Variants in PDGFC observed in about 807,000 individuals in gnomAD.
PDGFC encodes the protein platelet-derived growth factor C.
PDGFC carries 12 observed loss-of-function variants against 35.5 expected under a neutral mutation model. That is an observed-to-expected ratio of 0.34 (90% CI 0.22 to 0.55). PDGFC has a LOEUF of 0.55. PDGFC is among the 20% of genes least tolerant of loss of function. The pLI, the probability that PDGFC is intolerant of heterozygous loss-of-function variation, is 0.91. For missense variants in PDGFC, 322 were observed against 412.4 expected (o/e 0.78, Z 1.90); for synonymous variants, 159 against 148.8 (o/e 1.07, Z -0.50).
At chr4:156,813,658 G>C (rs1732001924) in intron 2 of PDGFC, among the ~76,000 whole-genome samples, 1 of 152,068 alleles carries the variant, frequency 6.6e-6, no homozygotes, top group Non-Finnish European at 1.5e-5. Context: ...TGGAGATCAT[G>C]GTGGACAAAT....
intron 1 of PDGFC, among the ~76,000 whole-genome samples, chr4:156,894,970 A>T (rs574749041): frequency 6.6e-6 from 1 of 152,310 alleles, no homozygotes; most frequent in African/African-American, 2.4e-5. Context: ...GTATATAATT[A>T]AATCCAACTA....
At chr4:156,824,325 T>TACAC (rs60087416) in intron 2 of PDGFC, among the ~76,000 whole-genome samples, 2,456 of 109,496 alleles carry the variant, frequency 0.022, 91 homozygotes, top group African/African-American at 0.042. Context: ...TATATATATA[T>TACAC]ATACACACAC....
chr4:156,805,328 T>G (rs575864266), intron 3 of PDGFC, among the ~76,000 whole-genome samples: 1 of 152,114 alleles, frequency 6.6e-6, no homozygotes, highest in African/African-American at 2.4e-5. Context: ...GTACTTGAAA[T>G]ACCTCTTCCA....
intron 2 of PDGFC, among the ~76,000 whole-genome samples, chr4:156,813,726 C>A (rs1732003801): frequency 6.6e-6 from 1 of 151,966 alleles, no homozygotes; most frequent in South Asian, 2.1e-4. Context: ...ATTTGGTAGG[C>A]CAATGTTGAA....
intron 1 of PDGFC, among the ~76,000 whole-genome samples, chr4:156,955,643 T>C (rs1732190958): frequency 6.6e-6 from 1 of 151,914 alleles, no homozygotes; most frequent in Non-Finnish European, 1.5e-5. Flanking sequence ...TAATGATCTG[T>C]TATAGGTGTA....
intron 1 of PDGFC, among the ~76,000 whole-genome samples, chr4:156,871,617 T>A (rs1224644353): frequency 5.3e-5 from 8 of 152,148 alleles, no homozygotes. Flanking sequence ...TAAAATATTT[T>A]ATTTCAAATG....
At chr4:156,851,968 G>T (rs1442166509) in intron 1 of PDGFC, among the ~76,000 whole-genome samples, 17 of 139,980 alleles carry the variant, frequency 1.2e-4, no homozygotes, top group Admixed American at 1.2e-3. Context: ...TCCGTGTAAG[G>T]ATGCTAACTT....
chr4:156,819,494 A>C (rs2110972333), intron 2 of PDGFC, among the ~76,000 whole-genome samples: 1 of 152,334 alleles, frequency 6.6e-6, no homozygotes, highest in Non-Finnish European at 1.5e-5. Context: ...ATGCTGTATC[A>C]ATGGAACAAC....
intron 5 of PDGFC, among the ~76,000 whole-genome samples, 157 bp from the exon 6 acceptor site, chr4:156,763,363 CAAAAAAAAAAA>C (rs33986749): frequency 1.0e-5 from 1 of 97,160 alleles, no homozygotes; most frequent in African/African-American, 3.5e-5. Context: ...ACTCTCCCAC[CAAAAAAAAAAA>C]AAAAAAAAAA....
intron 1 of PDGFC, among the ~76,000 whole-genome samples, chr4:156,853,123 T>C (rs1298803639): frequency 2.6e-5 from 4 of 152,248 alleles, no homozygotes; most frequent in African/African-American, 9.6e-5. Context: ...ATTAGAAAAC[T>C]AATACACCTT....
chr4:156,805,297 A>C (rs1050998660), intron 3 of PDGFC, among the ~76,000 whole-genome samples: 5 of 152,058 alleles, frequency 3.3e-5, no homozygotes, highest in African/African-American at 1.2e-4. Context: ...CAAGTGCTTC[A>C]GACTACAGTG....
At chr4:156,946,891 C>G (rs1400422264) in intron 1 of PDGFC, among the ~76,000 whole-genome samples, 1 of 151,952 alleles carries the variant, frequency 6.6e-6, no homozygotes, top group African/African-American at 2.4e-5. Context: ...GAAGACATCA[C>G]CCAGTTTACT....
At chr4:156,917,426 A>G (rs1731178617) in intron 1 of PDGFC, among the ~76,000 whole-genome samples, 1 of 152,202 alleles carries the variant, frequency 6.6e-6, no homozygotes. Context: ...TCTCAAGGAA[A>G]CAAATTTGTC....
At chr4:156,845,561 G>T (rs534078780) in intron 2 of PDGFC, among the ~76,000 whole-genome samples, 1 of 151,606 alleles carries the variant, frequency 6.6e-6, no homozygotes, top group South Asian at 2.1e-4. Context: ...AGGTATAAAT[G>T]ATTTATATCA....
At position 156,930,320 on chromosome 4, in the gene PDGFC, C is replaced by G. The variant is rs536187625; in HGVS notation, c.118+40466G>C. ...ATGTGCAAAATCAGGCAAACATCAT[C>G]AAATCTGAGGAACTGAAAGGATATC... On this transcript the variant is annotated intron_variant, in intron 1 of 5. Coordinates refer to ENST00000502773, the MANE Select transcript of PDGFC (RefSeq NM_016205.3). Among the ~76,000 whole-genome samples the G allele has an allele frequency of 3.9e-5, 6 of 152,282 alleles. 1 individual carries two copies. In the South Asian group the frequency reaches 1.2e-3, roughly 32 times the overall value.
intron 2 of PDGFC, among the ~76,000 whole-genome samples, chr4:156,827,317 T>C (rs932507871): frequency 1.3e-5 from 2 of 151,372 alleles, no homozygotes; most frequent in Non-Finnish European, 2.9e-5. Context: ...CTCGGGAGGC[T>C]GAGGCAGGAG....
At chr4:156,894,142 C>T (rs573444251) in intron 1 of PDGFC, among the ~76,000 whole-genome samples, 26 of 152,284 alleles carry the variant, frequency 1.7e-4, no homozygotes, top group Admixed American at 5.2e-4. Context: ...TACTTCATCA[C>T]TGTAAGTATA....
chr4:156,965,866 AGT>A (rs1193519414), intron 1 of PDGFC, among the ~76,000 whole-genome samples: 1 of 152,148 alleles, frequency 6.6e-6, no homozygotes, highest in Non-Finnish European at 1.5e-5. Context: ...CACAGCTAAA[AGT>A]GTCAAAATGC....
chr4:156,834,327 AT>A (rs547649930), intron 2 of PDGFC, among the ~76,000 whole-genome samples: 2 of 152,104 alleles, frequency 1.3e-5, no homozygotes, highest in African/African-American at 2.4e-5. Context: ...GCAATTTGAC[AT>A]TTTTTTCTCA....
Sources: gnomAD v4.1 joint callset for allele counts (sites outside exome capture counted in the v4.1 genomes callset) on GRCh38, gnomAD v4.1.1 for gene constraint, MANE v1.5 for transcripts, NCBI Gene and HGNC (gene_info 2026-07-23, HGNC 2026-07-21) for gene names.